Variants in SUPT3H observed in about 807,000 individuals in gnomAD.
SUPT3H encodes transcription initiation protein SPT3 homolog.
Under a neutral mutation model 44.3 loss-of-function variants are expected in SUPT3H, and 44 were observed. The ratio of observed to expected loss-of-function variants is 0.99; its 90% confidence interval spans 0.78 to 1.28. The LOEUF (loss-of-function observed/expected upper bound fraction) is 1.28. Among genes scored for constraint, SUPT3H ranks in the 50% most tolerant of loss-of-function variants. SUPT3H has a pLI of 0.00. For synonymous variants in SUPT3H, 124 were observed against 125.6 expected, an observed-to-expected ratio of 0.99 and a Z score of 0.09; for missense variants, 380 against 387.1, an observed-to-expected ratio of 0.98 and a Z score of 0.15.
chr6:44,843,923 A>ACG (rs1246088542), intron 10 of SUPT3H, among the ~76,000 whole-genome samples: 1 of 35,756 alleles, frequency 2.8e-5, no homozygotes, highest in African/African-American at 7.5e-5. Flanking sequence ...ACACACACAC[A>ACG]CACGCACACA....
At chr6:45,194,399 A>C (rs1247722835) in intron 2 of SUPT3H, among the ~76,000 whole-genome samples, 1 of 152,128 alleles carries the variant, frequency 6.6e-6, no homozygotes, top group African/African-American at 2.4e-5. Context: ...CTACAAATAT[A>C]AATTTTGTTT....
chr6:45,141,192 T>C (rs1195976089), intron 2 of SUPT3H, among the ~76,000 whole-genome samples: 3 of 151,576 alleles, frequency 2.0e-5, no homozygotes. Flanking sequence ...TTATAAAAAT[T>C]AGCCAGGTGT....
chr6:44,982,125 T>C (rs916770502), intron 6 of SUPT3H, among the ~76,000 whole-genome samples: 3 of 152,188 alleles, frequency 2.0e-5, no homozygotes, highest in Non-Finnish European at 4.4e-5. Context: ...ATTTAAGAGA[T>C]AAGACAACCT....
chr6:45,050,501 C>T (rs925443214), intron 3 of SUPT3H, among the ~76,000 whole-genome samples: 3 of 151,626 alleles, frequency 2.0e-5, no homozygotes, highest in East Asian at 1.9e-4. Context: ...TTCATGGGGG[C>T]GGGCAGGGAA....
intron 3 of SUPT3H, among the ~76,000 whole-genome samples, chr6:45,039,469 C>T (rs542753201): frequency 1.3e-5 from 2 of 152,034 alleles, no homozygotes; most frequent in Non-Finnish European, 2.9e-5. Flanking sequence ...TTTTTGCTCT[C>T]AAATCTGTTT....
intron 11 of SUPT3H, among the ~76,000 whole-genome samples, chr6:44,816,398 A>G (rs1244733468): frequency 1.3e-5 from 2 of 152,220 alleles, no homozygotes; most frequent in Non-Finnish European, 2.9e-5. Context: ...GAGACAAACT[A>G]TCAAAACTCT....
intron 2 of SUPT3H, among the ~76,000 whole-genome samples, chr6:45,279,961 C>A (rs199700443): frequency 1.3e-5 from 2 of 152,088 alleles, no homozygotes; most frequent in East Asian, 1.9e-4. Context: ...GATGACCATT[C>A]CTATCTATTT....
At chr6:45,165,392 C>T (rs1809675087) in intron 2 of SUPT3H, among the ~76,000 whole-genome samples, 1 of 152,176 alleles carries the variant, frequency 6.6e-6, no homozygotes, top group African/African-American at 2.4e-5. Context: ...GTGCCTATTT[C>T]CAGGAGTAAA....
chr6:45,339,403 C>T (rs1267443305), intron 2 of SUPT3H, among the ~76,000 whole-genome samples: 1 of 152,094 alleles, frequency 6.6e-6, no homozygotes, highest in East Asian at 1.9e-4. Context: ...TAGAAATAAG[C>T]TAAAGACAAA....
At chr6:45,146,814 A>C (rs767636946) in intron 2 of SUPT3H, among the ~76,000 whole-genome samples, 6 of 152,110 alleles carry the variant, frequency 3.9e-5, no homozygotes, top group Non-Finnish European at 7.4e-5. Context: ...AATTGAGAAG[A>C]AGCAGCACAT....
intron 10 of SUPT3H, among the ~76,000 whole-genome samples, chr6:44,861,328 A>G (rs1774622262): frequency 6.6e-6 from 1 of 152,100 alleles, no homozygotes; most frequent in Non-Finnish European, 1.5e-5. Flanking sequence ...CTCTCACCTC[A>G]GCTTCCCAAA....
At chr6:45,146,086 AACC>A (rs1244210173) in intron 2 of SUPT3H, among the ~76,000 whole-genome samples, 3 of 152,170 alleles carry the variant, frequency 2.0e-5, no homozygotes, top group Non-Finnish European at 4.4e-5. Flanking sequence ...AAACTAGTAC[AACC>A]ACTATGGAAA....
rs577122247 is a variant in SUPT3H, at chr6:45,315,078, T to C, written c.101+50123A>G. On this transcript the variant is annotated intron_variant, in intron 2 of 10. Coordinates refer to ENST00000371459, the MANE Select transcript of SUPT3H (RefSeq NM_003599.4). ...AACAAATGGTGCTCAGACACTAGGCTAGCCACATGTAGGAGAATGAAACTC... is the reference window on the plus strand; with the variant it reads ...AACAAATGGTGCTCAGACACTAGGCCAGCCACATGTAGGAGAATGAAACTC... 2.6e-5 allele frequency among the ~76,000 whole-genome samples: 4 copies of C among 152,240 alleles called. No individual in the cohort carries two copies. In the South Asian group the frequency reaches 8.3e-4, roughly 32 times the overall value.
At position 45,313,262 on chromosome 6, in the gene SUPT3H, C is replaced by A. The variant is rs545153115; in HGVS notation, c.101+51939G>T. Among the ~76,000 whole-genome samples, 280 of 151,454 alleles carry A rather than the reference C, an allele frequency of 1.8e-3. 1 individual carries two copies. The highest frequency in any genetic ancestry group is 6.3e-3 in the African/African-American group (259 of 41,302). Reference sequence around the variant, plus strand: ...AACAAGAACAAACCAAAACCAAACCCAGTAGAAGAAAAAAAATAAGAGCAG... The same window carrying A: ...AACAAGAACAAACCAAAACCAAACCAAGTAGAAGAAAAAAAATAAGAGCAG... On this transcript the variant is annotated intron_variant, in intron 2 of 10. Transcript: ENST00000371459.
At position 45,300,758 on chromosome 6, in the gene SUPT3H, G is replaced by A. The variant is rs1027413742; in HGVS notation, c.101+64443C>T. 3.3e-5 allele frequency among the ~76,000 whole-genome samples: 5 copies of A among 152,154 alleles called. No individual in the cohort carries two copies. The South Asian group carries it at 6.2e-4, about 19-fold the overall frequency. On this transcript the variant is annotated intron_variant, in intron 2 of 10. Coordinates refer to ENST00000371459, the MANE Select transcript of SUPT3H (RefSeq NM_003599.4). ...GTGAAAACTGTACATTTTAAATTAT[G>A]TATACCTGATCGCAGATTTTTTAAA... is the stretch of plus-strand genomic sequence containing the variant.
In SUPT3H at chr6:45,298,028, G is replaced by A. The variant is rs114330428; in HGVS notation, c.101+67173C>T. Among the ~76,000 whole-genome samples the A allele has an allele frequency of 5.9e-3, 906 of 152,302 alleles. 16 individuals are homozygous for A. Among genetic ancestry groups the A allele is most frequent in the African/African-American group, 0.021 (858 of 41,568 alleles). On this transcript the variant is annotated intron_variant, in intron 2 of 10. Coordinates refer to ENST00000371459, the MANE Select transcript of SUPT3H (RefSeq NM_003599.4). ...TAATTTGTAGAGCCAGGAGTGGAAT[G>A]CAATTTGACAAAATCCAAAGCTGGT...
intron 6 of SUPT3H, among the ~76,000 whole-genome samples, chr6:44,988,833 A>G (rs1040755302): frequency 2.0e-5 from 3 of 152,122 alleles, no homozygotes; most frequent in Non-Finnish European, 4.4e-5. Context: ...ACCCAAGCAA[A>G]CACTGGATAA....
intron 2 of SUPT3H, among the ~76,000 whole-genome samples, chr6:45,235,563 T>A (rs539819248): frequency 5.3e-5 from 8 of 152,296 alleles, no homozygotes; most frequent in African/African-American, 1.4e-4. Context: ...GACCCTAAAT[T>A]GATTTACTTT....
chr6:44,863,225 C>T (rs1774948696), intron 10 of SUPT3H, among the ~76,000 whole-genome samples: 1 of 152,154 alleles, frequency 6.6e-6, no homozygotes, highest in Non-Finnish European at 1.5e-5. Flanking sequence ...TGGGAATGCA[C>T]CTGTGAGCCA....
Sources: allele counts gnomAD v4.1 joint callset (sites outside exome capture counted in the v4.1 genomes callset), GRCh38; gene constraint gnomAD v4.1.1; transcripts MANE v1.5; gene names NCBI Gene and HGNC (gene_info 2026-07-23, HGNC 2026-07-21).